The following PRUNE2 variants were observed in gnomAD, a reference collection of about 807,000 sequenced individuals.
PRUNE2 encodes the protein protein prune homolog 2.
A neutral mutation model predicts 252.0 loss-of-function variants in PRUNE2; 164 were observed. That is an observed-to-expected ratio of 0.65 (90% CI 0.57 to 0.74). The LOEUF (loss-of-function observed/expected upper bound fraction) is 0.74. Among genes scored for constraint, PRUNE2 ranks in the 30% least tolerant of loss-of-function variants. PRUNE2 has a pLI of 0.00. For synonymous variants in PRUNE2, 1,292 were observed against 1,350.2 expected (o/e 0.96, Z 0.94); for missense variants, 3,495 against 3,711.0 (o/e 0.94, Z 1.51).
intron 9 of PRUNE2, among the ~76,000 whole-genome samples, chr9:76,696,791 C>G (rs1588655652): frequency 6.6e-6 from 1 of 152,228 alleles, no homozygotes; most frequent in Non-Finnish European, 1.5e-5. Flanking sequence ...GGAGTGCCTC[C>G]CGCTGGCCGT....
intron 1 of PRUNE2, among the ~76,000 whole-genome samples, chr9:76,874,047 T>C (rs766991956): frequency 5.3e-5 from 8 of 152,162 alleles, no homozygotes; most frequent in Non-Finnish European, 1.2e-4. Context: ...CTTCGGGAGA[T>C]GTAATACTGA....
chr9:76,901,407 A>G (rs775347420), intron 1 of PRUNE2, among the ~76,000 whole-genome samples: 5 of 152,190 alleles, frequency 3.3e-5, no homozygotes, highest in African/African-American at 4.8e-5. Context: ...TGATCAGAAT[A>G]AGCTCAGCTC....
intron 4 of PRUNE2, among the ~76,000 whole-genome samples, chr9:76,837,988 G>A (rs555081359): frequency 5.9e-5 from 9 of 151,942 alleles, no homozygotes; most frequent in Non-Finnish European, 1.0e-4. Flanking sequence ...AGCCAGGATG[G>A]TCTCGATCTC....
chr9:76,705,140 A>G lies in PRUNE2; in HGVS notation c.7134T>C (p.Pro2378=), dbSNP rs1309853544. ...EPEHFLYGGD[P]PLEEDSLKQS... ...GCTTCAGAGAATCTTCCTCCAAAGG[A>G]GGGTCACCACCATACAGGAAGTGTT... Residue 2378 remains proline (P), a synonymous_variant, in exon 8 of 19, where the codon CCT becomes CCC. Coordinates refer to ENST00000376718, the MANE Select transcript of PRUNE2 (RefSeq NM_015225.3). 1.2e-6 allele frequency: 2 copies of G among 1,613,978 alleles called. No individual in the cohort carries two copies. The highest frequency in any genetic ancestry group is 8.5e-7 in the Non-Finnish European group (1 of 1,179,884).
At chr9:76,652,736 A>C in intron 10 of PRUNE2, 53 bp from the exon 11 acceptor site, 1 of 1,326,602 alleles carries the variant, frequency 7.5e-7, no homozygotes, top group East Asian at 2.3e-5. Flanking sequence ...GGAGCAATCT[A>C]AATCAAAAAT....
chr9:76,857,883 C>G (rs1162949294), intron 1 of PRUNE2, among the ~76,000 whole-genome samples: 1 of 152,090 alleles, frequency 6.6e-6, no homozygotes, highest in Non-Finnish European at 1.5e-5. Flanking sequence ...TCTATAGGGG[C>G]TGCAACTAGT....
intron 6 of PRUNE2, among the ~76,000 whole-genome samples, chr9:76,715,836 C>T (rs764382454): frequency 8.5e-5 from 13 of 152,126 alleles, no homozygotes; most frequent in Non-Finnish European, 1.6e-4. Flanking sequence ...TCAAGAACCT[C>T]ATTGCTAAAC....
intron 4 of PRUNE2, among the ~76,000 whole-genome samples, chr9:76,846,313 C>T (rs1366983539): frequency 2.0e-5 from 3 of 152,132 alleles, no homozygotes; most frequent in Admixed American, 6.6e-5. Flanking sequence ...GCCCCTCATG[C>T]CTATTTTTAA....
chr9:76,760,218 C>T (rs767132741), intron 6 of PRUNE2, among the ~76,000 whole-genome samples: 2 of 152,174 alleles, frequency 1.3e-5, no homozygotes, highest in Non-Finnish European at 2.9e-5. Context: ...CGGCACACAG[C>T]AGGCACTCCG....
At chr9:76,905,810 C>A in intron 1 of PRUNE2, 118 bp downstream of exon 1, 1 of 1,326,166 alleles carries the variant, frequency 7.5e-7, no homozygotes, top group Non-Finnish European at 1.1e-6. Context: ...AACCCGCACA[C>A]CCTGATAACT....
At chr9:76,644,955 C>T (rs758052034) in intron 11 of PRUNE2, 46 bp from the exon 12 acceptor site, 35 of 1,562,992 alleles carry the variant, frequency 2.2e-5, no homozygotes, top group Non-Finnish European at 3.1e-5. Context: ...GCAAGACCTC[C>T]ACAGTGCAGC....
At chr9:76,753,634 T>A (rs2135772189) in intron 6 of PRUNE2, among the ~76,000 whole-genome samples, 1 of 152,178 alleles carries the variant, frequency 6.6e-6, no homozygotes, top group South Asian at 2.1e-4. Flanking sequence ...AGGGCCACGC[T>A]TCAGTAGTTT....
At chr9:76,778,269 T>C (rs1564283117) in intron 6 of PRUNE2, 1 of 152,218 alleles carries the variant, frequency 6.6e-6, no homozygotes, top group Non-Finnish European at 1.5e-5. Flanking sequence ...TCAGCTCTTC[T>C]AGAGACAGCC....
intron 4 of PRUNE2, among the ~76,000 whole-genome samples, chr9:76,828,052 A>G (rs2058447516): frequency 6.6e-6 from 1 of 152,230 alleles, no homozygotes; most frequent in Non-Finnish European, 1.5e-5. Context: ...GGGAGATTAG[A>G]GGTTACAAAT....
intron 1 of PRUNE2, among the ~76,000 whole-genome samples, chr9:76,882,981 C>T (rs942977319): frequency 6.6e-5 from 10 of 152,188 alleles, no homozygotes; most frequent in Non-Finnish European, 1.2e-4. Context: ...TTCAGCAGCT[C>T]ACTTCCTCTT....
At chr9:76,724,946 T>A (rs932902773) in intron 6 of PRUNE2, among the ~76,000 whole-genome samples, 1 of 152,300 alleles carries the variant, frequency 6.6e-6, no homozygotes, top group Admixed American at 6.5e-5. Flanking sequence ...TCATTAGCCA[T>A]GCTCTATTTT....
intron 1 of PRUNE2, among the ~76,000 whole-genome samples, chr9:76,857,722 G>C (rs1376322640): frequency 6.6e-6 from 1 of 152,118 alleles, no homozygotes; most frequent in Non-Finnish European, 1.5e-5. Flanking sequence ...GCCCACTCTT[G>C]AGCTTCCCCC....
chr9:76,728,679 T>A (rs1368344774), intron 6 of PRUNE2, among the ~76,000 whole-genome samples: 1 of 152,190 alleles, frequency 6.6e-6, no homozygotes, highest in African/African-American at 2.4e-5. Context: ...CTTCTCCAAA[T>A]GAGCAAATAA....
chr9:76,902,544 T>C (rs1236068681), intron 1 of PRUNE2, among the ~76,000 whole-genome samples: 3 of 152,202 alleles, frequency 2.0e-5, no homozygotes, highest in African/African-American at 7.2e-5. Flanking sequence ...TTGATTACGA[T>C]CTCAAGCTTG....
Sources: allele counts gnomAD v4.1 joint callset (sites outside exome capture counted in the v4.1 genomes callset), GRCh38; gene constraint gnomAD v4.1.1; transcripts MANE v1.5; gene names NCBI Gene and HGNC (gene_info 2026-07-23, HGNC 2026-07-21).